The following TOP1 variants were observed in gnomAD, a reference collection of about 807,000 sequenced individuals.
TOP1 encodes DNA topoisomerase I.
TOP1 carries 10 observed loss-of-function variants against 111.1 expected under a neutral mutation model. The ratio of observed to expected loss-of-function variants is 0.09; its 90% CI spans 0.06 to 0.15. The LOEUF (loss-of-function observed/expected upper bound fraction) is 0.15, where lower values mean the gene tolerates loss of function less well. Among genes scored for constraint, TOP1 ranks in the 10% least tolerant of loss-of-function variants. The pLI is 1.00. For missense variants in TOP1, 474 were observed against 926.7 expected, an observed-to-expected ratio of 0.51 and a Z score of 6.34; for synonymous variants, 271 against 302.9, an observed-to-expected ratio of 0.89 and a Z score of 1.10.
Position 41,028,863 on chromosome 20 carries a change from T to C in TOP1, c.-205T>C. 1.8e-6 allele frequency: 1 copy of C among 559,606 alleles called. No homozygotes were observed. Among genetic ancestry groups the C allele is most frequent in the Non-Finnish European group, 3.1e-6 (1 of 317,962 alleles). The allele number at this position is 559,606 out of a possible 1,614,324, so 34.7% of individuals were successfully genotyped here. ...CTGTTACACAACTGCTGGGGTCTGT[T>C]CTCGCCGCCCGCCCGGCAGTCAGGC... On this transcript the variant is annotated 5_prime_UTR_variant, in exon 1 of 21. Transcript: ENST00000361337.
intron 3 of TOP1, among the ~76,000 whole-genome samples, chr20:41,063,614 G>T (rs775744911): frequency 6.6e-6 from 1 of 152,022 alleles, no homozygotes; most frequent in Non-Finnish European, 1.5e-5. Flanking sequence ...GCTGGTTTTT[G>T]ATTTTTAATA....
intron 4 of TOP1, among the ~76,000 whole-genome samples, chr20:41,077,248 T>G (rs1350714525): frequency 6.6e-6 from 1 of 152,228 alleles, no homozygotes; most frequent in Non-Finnish European, 1.5e-5. Context: ...TGTTTGGTTT[T>G]TGCTTTTGTT....
Position 41,121,912 on chromosome 20 carries a change from TA to T in TOP1, c.2046-93del. 1 of 1,564,924 alleles carries T rather than the reference TA, an allele frequency of 6.4e-7. No individual in the cohort carries two copies. The highest frequency in any genetic ancestry group is 8.7e-7 in the Non-Finnish European group (1 of 1,146,306). On this transcript the variant is annotated intron_variant, in intron 19 of 20. Transcript: ENST00000361337. This position sits in a 1 kb window ranked among gnomAD's most constrained non-coding sequence, Gnocchi z 4.2. ...AAATGTCTTTTGGAAATCTCTATACTAGGGCTTTTATTGACTCAAAGTGGCA... is the reference window on the plus strand; with the variant it reads ...AAATGTCTTTTGGAAATCTCTATACTGGGCTTTTATTGACTCAAAGTGGCA...
At chr20:41,053,002 A>C (rs146540773) in intron 2 of TOP1, among the ~76,000 whole-genome samples, 2,363 of 152,254 alleles carry the variant, frequency 0.016, 21 homozygotes, top group Non-Finnish European at 0.024. Context: ...CAAACAACAA[A>C]AAAAAACTCT....
At chr20:41,045,085 G>A (rs1429546712) in intron 2 of TOP1, among the ~76,000 whole-genome samples, 1 of 152,190 alleles carries the variant, frequency 6.6e-6, no homozygotes, top group East Asian at 1.9e-4. Context: ...ACTGCACCTG[G>A]CCTATATGAG....
At chr20:41,107,237 T>C (rs1600595192) in intron 13 of TOP1, among the ~76,000 whole-genome samples, 1 of 152,252 alleles carries the variant, frequency 6.6e-6, no homozygotes, top group East Asian at 1.9e-4. Flanking sequence ...ACTTTTAATC[T>C]GAGGACTAAT....
At position 41,061,333 on chromosome 20, in the gene TOP1, G is replaced by A; in HGVS notation, c.59-61G>A. 6.6e-7 allele frequency: 1 copy of A among 1,504,544 alleles called. No individual in the cohort carries two copies. The allele number at this position is 1,504,544 out of a possible 1,614,324, so 93.2% of individuals were successfully genotyped here. ...TTGTACTTCTTGACCAGCTTGTCAA[G>A]GTAGGCATACAGAAGATAGCTCATG... is the stretch of plus-strand genomic sequence containing the variant. On this transcript the variant is annotated intron_variant, in intron 2 of 20. Transcript: ENST00000361337. This position sits in a 1 kb window ranked among gnomAD's most constrained non-coding sequence, Gnocchi z 4.6.
chr20:41,114,483 T>C lies in TOP1; in HGVS notation c.1638+328T>C, dbSNP rs1317916891. Among the ~76,000 whole-genome samples, 2 of 152,244 alleles carry C rather than the reference T, an allele frequency of 1.3e-5. No individual in the cohort carries two copies. Among genetic ancestry groups the C allele is most frequent in the African/African-American group, 2.4e-5 (1 of 41,456 alleles). On this transcript the variant is annotated intron_variant, in intron 15 of 20. Coordinates refer to ENST00000361337, the MANE Select transcript of TOP1 (RefSeq NM_003286.4). This position sits in a 1 kb window ranked among gnomAD's most constrained non-coding sequence, Gnocchi z 4.5. ...AAGAGGGGAGAGGTATTATTTGATA[T>C]CTTGTGTACCTCCTTTTAGTCACTG...
chr20:41,062,816 A>G (rs2033561506), intron 3 of TOP1, among the ~76,000 whole-genome samples: 1 of 152,258 alleles, frequency 6.6e-6, no homozygotes, highest in Admixed American at 6.5e-5. Flanking sequence ...AATAGAAAAT[A>G]ATTAAGGATA....
intron 2 of TOP1, among the ~76,000 whole-genome samples, chr20:41,044,879 C>T (rs1490680499): frequency 6.6e-6 from 1 of 152,198 alleles, no homozygotes; most frequent in Admixed American, 6.5e-5. Flanking sequence ...CAGCCTCTGC[C>T]TCCCAGGCTC....
rs774059660 is a variant in TOP1 at position 41,029,695 on chromosome 20, G to A, written c.58+240G>A. On this transcript the variant is annotated intron_variant, in intron 2 of 20. Coordinates refer to ENST00000361337, the MANE Select transcript of TOP1 (RefSeq NM_003286.4). The surrounding 1 kb of genome is among the most constrained non-coding windows in gnomAD (Gnocchi z 6.1). ...CGGAGACCCCGTGTCGTCCGCCACC[G>A]GGCCTCGGGCGGTCTTTCCGGGCCG... 4 of 584,382 alleles carry A rather than the reference G, an allele frequency of 6.8e-6. No individual in the cohort carries two copies. The East Asian group carries it at 1.4e-4, about 20-fold the overall frequency. 36.2% of individuals were successfully genotyped at this position (584,382 alleles called of 1,614,324 possible).
At chr20:41,057,075 C>T (rs765474675) in intron 2 of TOP1, among the ~76,000 whole-genome samples, 2 of 151,916 alleles carry the variant, frequency 1.3e-5, no homozygotes, top group Non-Finnish European at 2.9e-5. Flanking sequence ...AGACCAGCCT[C>T]GGCAACACGG....
chr20:41,068,929 T>C (rs1368075267), intron 3 of TOP1, among the ~76,000 whole-genome samples: 2 of 152,228 alleles, frequency 1.3e-5, no homozygotes, highest in Non-Finnish European at 2.9e-5. Flanking sequence ...CTCCTAGTTT[T>C]CGACTCTGTG....
At chr20:41,038,827 A>G (rs1019248824) in intron 2 of TOP1, among the ~76,000 whole-genome samples, 3 of 152,182 alleles carry the variant, frequency 2.0e-5, no homozygotes, top group African/African-American at 7.2e-5. Flanking sequence ...CTCAACAAAA[A>G]AAATACAAAA....
intron 3 of TOP1, chr20:41,073,578 G>A: frequency 1.4e-6 from 1 of 718,450 alleles, no homozygotes; most frequent in Non-Finnish European, 1.7e-6. Flanking sequence ...TATCAATTTA[G>A]TGGAAATATA....
Position 41,116,154 on chromosome 20 carries a change from T to A in TOP1, c.1708-124T>A, listed in dbSNP as rs2034326417. 3 of 628,492 alleles carry A rather than the reference T, an allele frequency of 4.8e-6. No homozygotes were observed. Among genetic ancestry groups the A allele is most frequent in the Non-Finnish European group, 8.6e-6 (3 of 350,860 alleles). 38.9% of individuals were successfully genotyped at this position (628,492 alleles called of 1,614,324 possible). ...GGAATTCTTTTCCTCTTTCCCTAAC[T>A]TCCCACTTGTAGGGCAATAAACTTG... is the stretch of plus-strand genomic sequence containing the variant. On this transcript the variant is annotated intron_variant, in intron 16 of 20. Coordinates refer to ENST00000361337, the MANE Select transcript of TOP1 (RefSeq NM_003286.4). The surrounding 1 kb of genome is among the most constrained non-coding windows in gnomAD (Gnocchi z 5.6).
chr20:41,114,238 C>T lies in TOP1; in HGVS notation c.1638+83C>T. The T allele has an allele frequency of 2.4e-6, 3 of 1,264,046 alleles. No individual in the cohort carries two copies. Among genetic ancestry groups the T allele is most frequent in the Non-Finnish European group, 3.4e-6 (3 of 895,064 alleles). The allele number at this position is 1,264,046 out of a possible 1,614,324, so 78.3% of individuals were successfully genotyped here. ...TGACTGCTTTTTTGTGTGCTTTGCA[C>T]TTTGCTGGGCACCAGCAAAAGTGAC... On this transcript the variant is annotated intron_variant, in intron 15 of 20. Transcript: ENST00000361337. This position sits in a 1 kb window ranked among gnomAD's most constrained non-coding sequence, Gnocchi z 4.5.
In TOP1 at chr20:41,094,526, G is replaced by C; in HGVS notation, c.730+1939G>C. On this transcript the variant is annotated intron_variant, in intron 9 of 20. Transcript: ENST00000361337. The surrounding 1 kb of genome is among the most constrained non-coding windows in gnomAD (Gnocchi z 4.4). ...AGATAGGAAGCAGAGGCCTGGTCTA[G>C]TTCACAGGTTGCCATAGTCCTTTCC... Among the ~76,000 whole-genome samples, 1 of 152,180 alleles carries C rather than the reference G, an allele frequency of 6.6e-6. No homozygotes were observed. The highest frequency in any genetic ancestry group is 1.9e-4 in the East Asian group (1 of 5,196).
At chr20:41,120,895 C>T (rs1290424835) in intron 18 of TOP1, among the ~76,000 whole-genome samples, 1 of 152,194 alleles carries the variant, frequency 6.6e-6, no homozygotes, top group African/African-American at 2.4e-5. Context: ...GCACCCACCA[C>T]CACGCCTGGC....
Sources: gnomAD v4.1 joint callset for allele counts (sites outside exome capture counted in the v4.1 genomes callset) on GRCh38, gnomAD v4.1.1 for gene constraint, Gnocchi (gnomAD v3.1) non-coding constraint, MANE v1.5 for transcripts, NCBI Gene and HGNC (gene_info 2026-07-23, HGNC 2026-07-21) for gene names.